BICD1: variants seen among roughly 807,000 people sequenced by gnomAD.
The protein encoded by BICD1 is protein bicaudal D homolog 1.
In BICD1, 35 loss-of-function variants were observed where a neutral mutation model predicts 92.5. The ratio of observed to expected loss-of-function variants is 0.38; its 90% confidence interval spans 0.29 to 0.50. The LOEUF (loss-of-function observed/expected upper bound fraction) is 0.50. Ranked by LOEUF, BICD1 falls within the 20% of genes least tolerant of loss-of-function variation. BICD1 has a pLI of 0.93. For synonymous variants in BICD1, 429 were observed against 465.1 expected (o/e 0.92, Z 1.00); for missense variants, 950 against 1,189.8 (o/e 0.80, Z 2.97).
intron 8 of BICD1, among the ~76,000 whole-genome samples, chr12:32,350,240 T>C (rs945612994): frequency 7.9e-5 from 12 of 152,130 alleles, no homozygotes; most frequent in African/African-American, 2.7e-4. Context: ...CCCCGCACTT[T>C]GGGAGGCCGA....
intron 1 of BICD1, among the ~76,000 whole-genome samples, chr12:32,136,226 C>T (rs968961496): frequency 6.6e-5 from 10 of 152,116 alleles, no homozygotes; most frequent in African/African-American, 2.2e-4. Flanking sequence ...GGCATTTTTT[C>T]TTTTTTGAAG....
intron 2 of BICD1, among the ~76,000 whole-genome samples, chr12:32,276,124 G>C (rs182852572): frequency 3.6e-4 from 55 of 152,210 alleles, no homozygotes; most frequent in African/African-American, 5.8e-4. Flanking sequence ...AACTACAAAT[G>C]GTTCTTCAAA....
intron 2 of BICD1, among the ~76,000 whole-genome samples, chr12:32,285,805 A>AT (rs34976637): frequency 6.6e-6 from 1 of 152,100 alleles, no homozygotes; most frequent in African/African-American, 2.4e-5. Context: ...CTTGATGGGA[A>AT]TTTTTAGCAG....
Position 32,328,674 on chromosome 12 carries a change from T to C in BICD1, c.2100+119T>C, listed in dbSNP as rs1937674001. 2.3e-6 allele frequency: 3 copies of C among 1,328,358 alleles called. No homozygotes were observed. The highest frequency in any genetic ancestry group is 2.7e-4 in the Middle Eastern group (1 of 3,750). 82.3% of individuals were successfully genotyped at this position (1,328,358 alleles called of 1,614,324 possible). A position where few individuals can be genotyped will look rare whatever the true frequency, so the allele number is the denominator to read the frequency against. On this transcript the variant is annotated intron_variant, in intron 5 of 9. Transcript: ENST00000652176. The surrounding 1 kb of genome is among the most constrained non-coding windows in gnomAD (Gnocchi z 4.4). ...AGAGTTCAGATTCTTGGTAAGTGGA[T>C]AAATAAAACTGTCCCAGTGCCAGAT... is the stretch of plus-strand genomic sequence containing the variant.
intron 2 of BICD1, among the ~76,000 whole-genome samples, chr12:32,239,552 G>A (rs546606096): frequency 8.6e-5 from 13 of 150,302 alleles, no homozygotes; most frequent in Admixed American, 6.6e-4. Flanking sequence ...GTGGAGTGCA[G>A]TGGTGCGATC....
chr12:32,270,827 A>G (rs997840136), intron 2 of BICD1, among the ~76,000 whole-genome samples: 1 of 152,230 alleles, frequency 6.6e-6, no homozygotes, highest in Non-Finnish European at 1.5e-5. Flanking sequence ...AAAATACATC[A>G]TTGGCCTTTG....
intron 2 of BICD1, among the ~76,000 whole-genome samples, chr12:32,282,892 T>C (rs1592607524): frequency 6.6e-6 from 1 of 152,254 alleles, no homozygotes; most frequent in East Asian, 1.9e-4. Context: ...CCAGGTTCAG[T>C]GTTCTTTGGG....
rs548158934 is a variant in BICD1, at chr12:32,179,721, T to A, written c.214-36526T>A. ...CCTTTGTCACAGGGACCGGGTGCAA[T>A]GGCTCATGCCTGTTATCTTAGCACT... On this transcript the variant is annotated intron_variant, in intron 1 of 9. Coordinates refer to ENST00000652176, the MANE Select transcript of BICD1 (RefSeq NM_001714.4). 1.6e-4 allele frequency among the ~76,000 whole-genome samples: 25 copies of A among 152,046 alleles called. No homozygotes were observed. The South Asian group carries it at 4.8e-3, about 29-fold the overall frequency.
chr12:32,360,954 A>T (rs10771940), intron 8 of BICD1, among the ~76,000 whole-genome samples: 59,633 of 152,044 alleles, frequency 0.39, 11,847 homozygotes, highest in East Asian at 0.44. Flanking sequence ...TGGATATGAA[A>T]TATTGTGCTG....
At position 32,130,365 on chromosome 12, in the gene BICD1, G is replaced by A. The variant is rs139907330; in HGVS notation, c.213+22821G>A. ...ACTACAGGCGCCTGCCACCGCGCTC[G>A]GCTAACTTTTTGTGTTTTTAGTAGA... On this transcript the variant is annotated intron_variant, in intron 1 of 9. Transcript: ENST00000652176. 2.1e-3 allele frequency among the ~76,000 whole-genome samples: 320 copies of A among 152,176 alleles called. 1 individual carries two copies. The highest frequency in any genetic ancestry group is 7.3e-3 in the African/African-American group (303 of 41,530).
chr12:32,215,742 G>A (rs564243183), intron 1 of BICD1, among the ~76,000 whole-genome samples: 2 of 151,878 alleles, frequency 1.3e-5, no homozygotes, highest in African/African-American at 4.8e-5. Context: ...AAGGTCAGGG[G>A]ATCGAAACCA....
At chr12:32,194,608 G>A (rs576535221) in intron 1 of BICD1, among the ~76,000 whole-genome samples, 6 of 152,298 alleles carry the variant, frequency 3.9e-5, no homozygotes, top group Middle Eastern at 3.4e-3. Flanking sequence ...TAGGCCAGGC[G>A]TGGTGGCTCA....
At chr12:32,162,719 A>G (rs1304348121) in intron 1 of BICD1, among the ~76,000 whole-genome samples, 1 of 152,206 alleles carries the variant, frequency 6.6e-6, no homozygotes, top group African/African-American at 2.4e-5. Context: ...ATGGTGGCTC[A>G]TGCCTGTAAA....
intron 8 of BICD1, among the ~76,000 whole-genome samples, chr12:32,342,210 A>G (rs866855392): frequency 0.012 from 1,573 of 127,482 alleles, 12 homozygotes; most frequent in Non-Finnish European, 0.016. Context: ...GTGTGTATAT[A>G]TATATATATA....
intron 4 of BICD1, among the ~76,000 whole-genome samples, chr12:32,323,152 A>G (rs1397450684): frequency 1.3e-5 from 2 of 152,238 alleles, no homozygotes; most frequent in East Asian, 3.8e-4. Flanking sequence ...CTATTGCCCA[A>G]ATAGTCTGGG....
At chr12:32,159,043 C>A (rs529428493) in intron 1 of BICD1, among the ~76,000 whole-genome samples, 2 of 152,162 alleles carry the variant, frequency 1.3e-5, no homozygotes, top group Non-Finnish European at 2.9e-5. Context: ...AGGCAATACT[C>A]TTGCCTCAGC....
At chr12:32,149,746 G>A (rs1234037517) in intron 1 of BICD1, among the ~76,000 whole-genome samples, 1 of 152,182 alleles carries the variant, frequency 6.6e-6, no homozygotes, top group Admixed American at 6.5e-5. Context: ...TTCAGTGTCT[G>A]GTGGGAGCTT....
chr12:32,338,095 G>A, intron 7 of BICD1: 2 of 341,394 alleles, frequency 5.9e-6, no homozygotes, highest in South Asian at 8.7e-5. Flanking sequence ...CTCTTTGTAT[G>A]TGTAAATATG....
At chr12:32,275,095 A>G (rs1947241483) in intron 2 of BICD1, among the ~76,000 whole-genome samples, 1 of 152,180 alleles carries the variant, frequency 6.6e-6, no homozygotes, top group African/African-American at 2.4e-5. Context: ...ATCATTAGAT[A>G]TATGATATAT....
Sources: allele counts gnomAD v4.1 joint callset (sites outside exome capture counted in the v4.1 genomes callset), GRCh38; gene constraint gnomAD v4.1.1; non-coding constraint Gnocchi (gnomAD v3.1); transcripts MANE v1.5; gene names NCBI Gene and HGNC (gene_info 2026-07-23, HGNC 2026-07-21).